Variants in ATP1A2 observed in about 807,000 individuals in gnomAD.
ATP1A2 encodes the protein sodium/potassium-transporting ATPase subunit alpha-2.
A neutral mutation model predicts 113.1 loss-of-function variants in ATP1A2; 56 were observed. That is an observed-to-expected ratio of 0.49 (90% confidence interval 0.40 to 0.62). The LOEUF (loss-of-function observed/expected upper bound fraction) is 0.62, where lower values mean the gene tolerates loss of function less well. Ranked by LOEUF, ATP1A2 falls within the 20% of genes least tolerant of loss-of-function variation. ATP1A2 has a pLI of 0.00. For missense variants in ATP1A2, 712 were observed against 1,357.8 expected, an observed-to-expected ratio of 0.52 and a Z score of 7.47; for synonymous variants, 490 against 526.8, an observed-to-expected ratio of 0.93 and a Z score of 0.96.
intron 1 of ATP1A2, among the ~76,000 whole-genome samples, chr1:160,119,077 C>T (rs1570981622): frequency 6.6e-6 from 1 of 151,796 alleles, no homozygotes; most frequent in Admixed American, 6.6e-5. Context: ...ATGATTGCAG[C>T]AAATGTAACA....
At chr1:160,127,524 C>T (rs369496333) in intron 7 of ATP1A2, 28 bp from the exon 8 acceptor site, 5 of 1,613,904 alleles carry the variant, frequency 3.1e-6, no homozygotes, top group Non-Finnish European at 4.2e-6. Context: ...CCACAAGGCA[C>T]CCAACCTGAT....
In ATP1A2 at chr1:160,127,541, C is replaced by T. The variant is rs1570987717; in HGVS notation, c.749-11C>T. The T allele has an allele frequency of 1.2e-6, 2 of 1,614,170 alleles. No individual in the cohort carries two copies. The highest frequency in any genetic ancestry group is 1.7e-4 in the Middle Eastern group (1 of 6,036). On this transcript the variant is annotated splice_polypyrimidine_tract_variant and intron_variant, in intron 7 of 22. Coordinates refer to ENST00000361216, the MANE Select transcript of ATP1A2 (RefSeq NM_000702.4). ...ACAAGGCACCCAACCTGATGCCCCA[C>T]CATGTTGCAGGCACTGCCAGGGGCA...
chr1:160,140,044 A>C, intron 22 of ATP1A2, 60 bp downstream of exon 22: 1 of 1,527,366 alleles, frequency 6.5e-7, no homozygotes, highest in South Asian at 1.1e-5. Flanking sequence ...TCCTCCCTCC[A>C]GGACCACACG....
At chr1:160,120,023 GA>G (rs113076025) in intron 1 of ATP1A2, among the ~76,000 whole-genome samples, 55 of 136,452 alleles carry the variant, frequency 4.0e-4, no homozygotes, top group Middle Eastern at 7.6e-3. Context: ...CCTGTCTCAA[GA>G]AAAAAAAAAA....
At position 160,143,061 on chromosome 1, in the gene ATP1A2, T is replaced by C. The variant is rs893598089; in HGVS notation, c.*1739T>C. Reference sequence around the variant, plus strand: ...TGTAGAGAGAGACCTAGATAGGTCATGCAAGTGAGAAAGACATCTGAGGAA... The same window carrying C: ...TGTAGAGAGAGACCTAGATAGGTCACGCAAGTGAGAAAGACATCTGAGGAA... On this transcript the variant is annotated 3_prime_UTR_variant, in exon 23 of 23. Transcript: ENST00000361216. 1.3e-5 allele frequency: 2 copies of C among 152,256 alleles called. No homozygotes were observed. Among genetic ancestry groups the C allele is most frequent in the Non-Finnish European group, 2.9e-5 (2 of 68,074 alleles). The allele number at this position is 152,256 out of a possible 1,614,324, so 9.4% of individuals were successfully genotyped here.
chr1:160,127,491 G>T, intron 7 of ATP1A2, 61 bp from the exon 8 acceptor site: 1 of 1,609,172 alleles, frequency 6.2e-7, no homozygotes, highest in East Asian at 2.2e-5. Flanking sequence ...CAGGAAATAG[G>T]ATGGGACTGC....
chr1:160,126,469 T>C (rs1651590566), intron 7 of ATP1A2, among the ~76,000 whole-genome samples: 1 of 152,192 alleles, frequency 6.6e-6, no homozygotes, highest in Non-Finnish European at 1.5e-5. Flanking sequence ...TTCCTAAGTT[T>C]GTTTTTTGTT....
In ATP1A2 at chr1:160,121,238, T is replaced by A; in HGVS notation, c.164T>A (p.Val55Glu). ...GATGAGCTGGGCCGCAAATACCAAGTGGACCTGTCCAAGGTGAGTGGAGGG... is the reference window on the plus strand; with the variant it reads ...GATGAGCTGGGCCGCAAATACCAAGAGGACCTGTCCAAGGTGAGTGGAGGG... ...SLDELGRKYQ[V>E]DLSKGLTNQR... is the part of the protein sequence containing the mutation. Residue 55 changes from valine (V) to glutamate (E), a missense_variant, in exon 3 of 23, where the codon GTG (valine) becomes GAG (glutamate). Around this residue, in one of 6 missense-constraint regions of ATP1A2, gnomAD observed 109 missense variants for 162.3 expected, o/e 0.67. Coordinates refer to ENST00000361216, the MANE Select transcript of ATP1A2 (RefSeq NM_000702.4). 2 of 1,614,194 alleles carry A rather than the reference T, an allele frequency of 1.2e-6. No individual in the cohort carries two copies. The highest frequency in any genetic ancestry group is 8.5e-7 in the Non-Finnish European group (1 of 1,180,032).
intron 6 of ATP1A2, 143 bp downstream of exon 6, chr1:160,124,573 T>C (rs1475661262): frequency 1.5e-6 from 2 of 1,304,068 alleles, no homozygotes; most frequent in East Asian, 2.5e-5. Context: ...AAACCTTCTC[T>C]CAGTGTGGGG....
At chr1:160,128,953 T>C in intron 9 of ATP1A2, 27 bp from the exon 10 acceptor site, 1 of 1,595,592 alleles carries the variant, frequency 6.3e-7, no homozygotes, top group East Asian at 2.3e-5. Flanking sequence ...GGAGCCACGC[T>C]CCTGGTTCCC....
In ATP1A2 at chr1:160,136,238, C is replaced by T; in HGVS notation, c.2440-9C>T. ...ATGCCCTCCCTGCCCCATTTCCTAC[C>T]CCACACAGGTCCCTGCCATCTCCTT... On this transcript the variant is annotated splice_polypyrimidine_tract_variant and intron_variant, in intron 17 of 22. Transcript: ENST00000361216. 4.3e-6 allele frequency: 7 copies of T among 1,614,152 alleles called. No homozygotes were observed. The highest frequency in any genetic ancestry group is 5.9e-6 in the Non-Finnish European group (7 of 1,180,028).
chr1:160,130,169 G>A lies in ATP1A2; in HGVS notation c.1529G>A (p.Arg510His), dbSNP rs755353911. ...HVLVMKGAPE[R>H]ILDRCSTILV... ...CTGGTGATGAAGGGGGCCCCAGAGC[G>A]CATTCTGGACCGGTGCTCCACCATC... The change falls in exon 12 of 23, where the codon CGC (arginine) becomes CAC (histidine). Residue 510 changes from arginine to histidine, a missense_variant. By Grantham distance (29) the Arg-to-His change is conservative. Coordinates refer to ENST00000361216, the MANE Select transcript of ATP1A2 (RefSeq NM_000702.4). The A allele has an allele frequency of 3.6e-5, 58 of 1,614,196 alleles. No individual in the cohort carries two copies. Among genetic ancestry groups the A allele is most frequent in the Non-Finnish European group, 4.5e-5 (53 of 1,180,040 alleles).
chr1:160,136,637 A>G lies in ATP1A2; in HGVS notation c.2631A>G (p.Pro877=), dbSNP rs1651959625. ...FVILAENGFL[P]SRLLGIRLDW... Reference sequence around the variant, plus strand: ...TCCTGGCAGAGAACGGTTTCCTGCCATCACGGCTACTGGGAATCCGCCTCG... The same window carrying G: ...TCCTGGCAGAGAACGGTTTCCTGCCGTCACGGCTACTGGGAATCCGCCTCG... The change falls in exon 19 of 23, where the codon CCA becomes CCG. Residue 877 remains proline, a synonymous_variant. Transcript: ENST00000361216. 6.2e-7 allele frequency: 1 copy of G among 1,614,254 alleles called. No homozygotes were observed. The highest frequency in any genetic ancestry group is 8.5e-7 in the Non-Finnish European group (1 of 1,180,048).
intron 20 of ATP1A2, among the ~76,000 whole-genome samples, chr1:160,137,478 T>C: frequency 6.6e-6 from 1 of 152,210 alleles, no homozygotes; most frequent in Non-Finnish European, 1.5e-5. Context: ...CCAGGCACTG[T>C]GCTAAGTGCC....
chr1:160,116,007 A>T, intron 1 of ATP1A2, 134 bp downstream of exon 1: 1 of 1,414,544 alleles, frequency 7.1e-7, no homozygotes, highest in Non-Finnish European at 9.8e-7. Flanking sequence ...TGAAACTAAC[A>T]GTCTCCAAAC....
chr1:160,124,871 A>C (rs1223948666), intron 6 of ATP1A2, among the ~76,000 whole-genome samples: 2 of 152,222 alleles, frequency 1.3e-5, no homozygotes, highest in African/African-American at 4.8e-5. Flanking sequence ...GATTCTGTTT[A>C]CATTCACCAT....
rs765242579 is a variant in ATP1A2 at position 160,129,424 on chromosome 1, A to G, written c.1461+24A>G. 4.4e-6 allele frequency: 7 copies of G among 1,609,036 alleles called. No individual in the cohort carries two copies. The South Asian group carries it at 7.7e-5, about 18-fold the overall frequency. ...AGGTCTGCTTGGGTTGCCAGGACAG[A>G]GGAAGAGAGAGGGATATAAATGGGT... On this transcript the variant is annotated intron_variant, in intron 11 of 22. Coordinates refer to ENST00000361216, the MANE Select transcript of ATP1A2 (RefSeq NM_000702.4).
chr1:160,125,445 T>C, intron 7 of ATP1A2, 192 bp downstream of exon 7: 1 of 604,754 alleles, frequency 1.7e-6, no homozygotes, highest in Non-Finnish European at 3.0e-6. Flanking sequence ...CCTGACTCCA[T>C]GGGAAATGTA....
At chr1:160,129,939 CTG>C (rs1651715216) in intron 11 of ATP1A2, among the ~76,000 whole-genome samples, 161 bp from the exon 12 acceptor site, 2 of 152,154 alleles carry the variant, frequency 1.3e-5, no homozygotes, top group Admixed American at 6.5e-5. Flanking sequence ...AGTGTTGGAA[CTG>C]TGAGGTCTAA....
Sources: gnomAD v4.1 joint callset for allele counts (sites outside exome capture counted in the v4.1 genomes callset) on GRCh38, gnomAD v4.1.1 for gene constraint, gnomAD v4.1.1 regional missense constraint, MANE v1.5 for transcripts, NCBI Gene and HGNC (gene_info 2026-07-23, HGNC 2026-07-21) for gene names.